IRAG2: variants seen among roughly 807,000 people sequenced by gnomAD.
IRAG2 encodes inositol 1,4,5-triphosphate receptor associated 2, also known as lymphoid restricted membrane protein.
Under a neutral mutation model 69.9 loss-of-function variants are expected in IRAG2, and 45 were observed. The observed-to-expected ratio is 0.64, with a 90% CI of 0.51 to 0.83. The LOEUF is 0.83. Ranked by LOEUF, IRAG2 falls within the 40% of genes least tolerant of loss-of-function variation. The probability of loss-of-function intolerance (pLI) is 0.00; values close to 1 mark genes in which losing one functional copy is unlikely to be tolerated. For synonymous variants in IRAG2, 193 were observed against 202.4 expected (o/e 0.95, Z 0.40); for missense variants, 520 against 587.0 (o/e 0.89, Z 1.18).
At chr12:25,044,951 T>G (rs1199641188) in intron 16 of IRAG2, among the ~76,000 whole-genome samples, 1 of 152,144 alleles carries the variant, frequency 6.6e-6, no homozygotes, top group Non-Finnish European at 1.5e-5. Context: ...TGCAGTAGAA[T>G]ATACATCTTT....
intron 14 of IRAG2, among the ~76,000 whole-genome samples, chr12:25,091,999 G>A (rs537416585): frequency 1.4e-3 from 213 of 152,304 alleles, no homozygotes; most frequent in African/African-American, 4.9e-3. Flanking sequence ...GGGCACAGTG[G>A]CTCACTCCTG....
At chr12:25,082,435 C>CA (rs777938565) in intron 9 of IRAG2, among the ~76,000 whole-genome samples, 15 of 151,370 alleles carry the variant, frequency 9.9e-5, no homozygotes, top group Non-Finnish European at 2.1e-4. Context: ...CCCGTCTCTG[C>CA]AAAAAAATAC....
intron 9 of IRAG2, among the ~76,000 whole-genome samples, chr12:25,080,605 G>A (rs1947140414): frequency 6.6e-6 from 1 of 152,066 alleles, no homozygotes; most frequent in Admixed American, 6.5e-5. Context: ...ACCCTCCTTG[G>A]CCTCCCAAAA....
chr12:25,054,178 T>C (rs536839673), intron 1 of IRAG2, among the ~76,000 whole-genome samples: 1 of 152,400 alleles, frequency 6.6e-6, no homozygotes, highest in East Asian at 1.9e-4. Flanking sequence ...TTCAATATTC[T>C]GATTCACTCT....
intron 6 of IRAG2, among the ~76,000 whole-genome samples, chr12:25,019,628 T>G (rs554080819): frequency 6.6e-6 from 1 of 152,316 alleles, no homozygotes; most frequent in African/African-American, 2.4e-5. Context: ...TTGGAGTTTT[T>G]GTGGGTACAG....
chr12:25,027,703 C>T (rs1008461747), intron 9 of IRAG2, among the ~76,000 whole-genome samples: 1 of 152,176 alleles, frequency 6.6e-6, no homozygotes, highest in South Asian at 2.1e-4. Context: ...TGTACTACAC[C>T]TCTTTTTATG....
At chr12:25,069,703 C>T (rs1356134683) in intron 6 of IRAG2, among the ~76,000 whole-genome samples, 1 of 152,136 alleles carries the variant, frequency 6.6e-6, no homozygotes, top group Non-Finnish European at 1.5e-5. Context: ...ATGAAGTGAG[C>T]TAAACTTTTT....
chr12:25,076,664 C>G lies in IRAG2; in HGVS notation c.25-2580C>G. On this transcript the variant is annotated intron_variant, in intron 6 of 21. Transcript: ENST00000556887. ...AGGTACAAAATGAAGGCTTTTCTGA[C>G]AAGTGTGTAGTGTTTTTTAGTTATA... 3 of 959,888 alleles carry G rather than the reference C, an allele frequency of 3.1e-6. No homozygotes were observed. In the African/African-American group the frequency reaches 5.3e-5, roughly 17 times the overall value. The allele number at this position is 959,888 out of a possible 1,614,324, so 59.5% of individuals were successfully genotyped here.
chr12:25,093,653 T>C (rs1167576405), intron 14 of IRAG2: 1 of 153,688 alleles, frequency 6.5e-6, no homozygotes, highest in Non-Finnish European at 1.5e-5. Flanking sequence ...TTTGGAGAAT[T>C]CTTCATTGGC....
intron 3 of IRAG2, among the ~76,000 whole-genome samples, chr12:25,014,066 G>A (rs912318836): frequency 2.7e-5 from 4 of 149,982 alleles, no homozygotes; most frequent in South Asian, 2.1e-4. Flanking sequence ...TAGTAGAGAC[G>A]GGGTTTCACC....
chr12:25,090,959 C>T (rs1979522), intron 14 of IRAG2: 36,219 of 413,390 alleles, frequency 0.088, 1,790 homozygotes, highest in South Asian at 0.13. Flanking sequence ...ATGGGCAAGC[C>T]TGCTGTAGGG....
Position 25,062,880 on chromosome 12 carries a change from C to T in IRAG2, c.-324C>T. 1 of 398,990 alleles carries T rather than the reference C, an allele frequency of 2.5e-6. No individual in the cohort carries two copies. The highest frequency in any genetic ancestry group is 4.4e-6 in the Non-Finnish European group (1 of 226,034). 24.7% of individuals were successfully genotyped at this position (398,990 alleles called of 1,614,324 possible). Reference sequence around the variant, plus strand: ...CCTGTCCTGCGCAGATGCAATTCAACAACCTCTTCAAGAAAAATTGGTAAT... The same window carrying T: ...CCTGTCCTGCGCAGATGCAATTCAATAACCTCTTCAAGAAAAATTGGTAAT... On this transcript the variant is annotated 5_prime_UTR_variant, in exon 3 of 22. Coordinates refer to ENST00000556887, the MANE Select transcript of IRAG2 (RefSeq NM_001366544.2).
intron 2 of IRAG2, among the ~76,000 whole-genome samples, chr12:25,062,255 A>G (rs978131638): frequency 8.5e-5 from 13 of 152,098 alleles, no homozygotes; most frequent in African/African-American, 3.1e-4. Context: ...TGATATTTGC[A>G]TGTATCTGTT....
At chr12:25,017,310 C>T in intron 6 of IRAG2, 6 of 1,231,938 alleles carry the variant, frequency 4.9e-6, no homozygotes, top group Non-Finnish European at 6.1e-6. Flanking sequence ...ACAGTGGGGT[C>T]CAGTGTGCGG....
intron 3 of IRAG2, 100 bp downstream of exon 3, chr12:25,063,000 C>T (rs971152403): frequency 2.8e-5 from 11 of 397,110 alleles, no homozygotes; most frequent in African/African-American, 2.3e-4. Flanking sequence ...AGTCTTAGAA[C>T]TGCATATATT....
chr12:25,048,144 A>G (rs891064786), upstream of IRAG2, among the ~76,000 whole-genome samples: 10 of 152,122 alleles, frequency 6.6e-5, no homozygotes, highest in African/African-American at 2.4e-4. Flanking sequence ...GGGATTTTTA[A>G]TAATTGCCAT....
chr12:25,092,395 C>A, intron 14 of IRAG2, among the ~76,000 whole-genome samples: 1 of 115,812 alleles, frequency 8.6e-6, no homozygotes, highest in Non-Finnish European at 1.8e-5. Flanking sequence ...AGTGAAACTC[C>A]ATCTCAAAAA....
At chr12:25,018,050 A>G (rs975996591) in intron 6 of IRAG2, among the ~76,000 whole-genome samples, 2 of 152,156 alleles carry the variant, frequency 1.3e-5, no homozygotes, top group Non-Finnish European at 2.9e-5. Flanking sequence ...AATAATATTC[A>G]GTTGCATAGA....
At chr12:25,089,700 T>C in intron 12 of IRAG2, 23 bp downstream of exon 12, 1 of 1,608,434 alleles carries the variant, frequency 6.2e-7, no homozygotes, top group African/African-American at 1.3e-5. Flanking sequence ...TCATGTAGCA[T>C]GTTAACATGT....
Sources: gnomAD v4.1 joint callset for allele counts (sites outside exome capture counted in the v4.1 genomes callset) on GRCh38, gnomAD v4.1.1 for gene constraint, MANE v1.5 for transcripts, NCBI Gene and HGNC (gene_info 2026-07-23, HGNC 2026-07-21) for gene names.